The following SV2C variants were observed in gnomAD, a reference collection of about 807,000 sequenced individuals.
SV2C encodes the protein solute carrier family 22 member B3.
Under a neutral mutation model 79.7 loss-of-function variants are expected in SV2C, and 49 were observed. The observed-to-expected ratio is 0.61, with a 90% CI of 0.49 to 0.78. The LOEUF (loss-of-function observed/expected upper bound fraction) is 0.78. Ranked by LOEUF, SV2C falls within the 30% of genes least tolerant of loss-of-function variation. SV2C has a pLI of 0.00. For missense variants in SV2C, 833 were observed against 912.9 expected (o/e 0.91, Z 1.13); for synonymous variants, 334 against 333.2 (o/e 1.00, Z -0.03).
chr5:76,031,162 T>G, the SV2C span, among the ~76,000 whole-genome samples: 1 of 152,150 alleles, frequency 6.6e-6, no homozygotes, highest in South Asian at 2.1e-4. Flanking sequence ...AGGGATTGCA[T>G]CAGACTCTCC....
At chr5:75,854,905 G>A in the SV2C span, among the ~76,000 whole-genome samples, 215 of 152,232 alleles carry the variant, frequency 1.4e-3, 1 homozygote, top group African/African-American at 4.2e-3. Context: ...AGTAAGGATT[G>A]AGGTTCTTCT....
intron 2 of SV2C, among the ~76,000 whole-genome samples, chr5:76,163,419 A>G (rs1252347387): frequency 6.6e-6 from 1 of 152,240 alleles, no homozygotes; most frequent in African/African-American, 2.4e-5. Flanking sequence ...CTCTCTTCTA[A>G]TCAATATTTA....
intron 12 of SV2C, among the ~76,000 whole-genome samples, chr5:76,339,265 A>G (rs1431260487): frequency 6.6e-6 from 1 of 152,134 alleles, no homozygotes; most frequent in Non-Finnish European, 1.5e-5. Context: ...TGCCTGACAC[A>G]TTTCTATAAA....
chr5:75,849,886 T>C, the SV2C span, among the ~76,000 whole-genome samples: 1 of 152,166 alleles, frequency 6.6e-6, no homozygotes, highest in Non-Finnish European at 1.5e-5. Flanking sequence ...ATGCCTTTCC[T>C]CTTTTCTTCC....
At position 76,326,930 on chromosome 5, in the gene SV2C, T is replaced by A. The variant is rs1312490510; in HGVS notation, c.*1383T>A. On this transcript the variant is annotated 3_prime_UTR_variant, in exon 13 of 13. Coordinates refer to ENST00000502798, the MANE Select transcript of SV2C (RefSeq NM_014979.4). ...TCTTCTTTGAAATCTGAACCTTCCT[T>A]GTAGACTTGCAGCCAATGACCAGAA... The A allele has an allele frequency of 6.6e-6, 1 of 152,240 alleles. No homozygotes were observed. Among genetic ancestry groups the A allele is most frequent in the Admixed American group, 6.5e-5 (1 of 15,278 alleles). 9.4% of individuals were successfully genotyped at this position (152,240 alleles called of 1,614,324 possible).
chr5:76,207,165 CAAA>C (rs34587990), intron 3 of SV2C, among the ~76,000 whole-genome samples: 1 of 143,364 alleles, frequency 7.0e-6, no homozygotes, highest in African/African-American at 2.6e-5. Flanking sequence ...AGCCACACTG[CAAA>C]AAAAAAAAAG....
At chr5:76,309,761 GA>G (rs1292271193) in intron 12 of SV2C, among the ~76,000 whole-genome samples, 2 of 124,238 alleles carry the variant, frequency 1.6e-5, no homozygotes, top group Admixed American at 1.8e-4. Flanking sequence ...GGTTGTCAAA[GA>G]AAGATGATTC....
intron 12 of SV2C, among the ~76,000 whole-genome samples, chr5:76,347,693 C>G (rs143917929): frequency 6.6e-6 from 1 of 152,184 alleles, no homozygotes; most frequent in African/African-American, 2.4e-5. Flanking sequence ...CTGCCTGCCT[C>G]GGCCTCCCAA....
intron 4 of SV2C, among the ~76,000 whole-genome samples, chr5:76,244,871 G>T (rs1396192170): frequency 6.6e-6 from 1 of 152,196 alleles, no homozygotes; most frequent in Non-Finnish European, 1.5e-5. Flanking sequence ...GGCAGTCCAG[G>T]TCTAACAGAA....
the SV2C span, among the ~76,000 whole-genome samples, chr5:76,029,750 C>T: frequency 6.6e-6 from 1 of 152,164 alleles, no homozygotes; most frequent in Non-Finnish European, 1.5e-5. Flanking sequence ...CAAGAATTTG[C>T]TTTAAAAACA....
intron 1 of SV2C, among the ~76,000 whole-genome samples, chr5:76,121,866 C>A (rs1417078801): frequency 2.6e-5 from 4 of 151,714 alleles, no homozygotes; most frequent in Admixed American, 2.6e-4. Context: ...TTTTTTGGTT[C>A]CATATGAACT....
rs1747595718 is a variant in SV2C, at chr5:76,097,200, A to G, written c.-102+13688A>G. Among the ~76,000 whole-genome samples the G allele has an allele frequency of 2.0e-5, 3 of 152,186 alleles. No homozygotes were observed. The South Asian group carries it at 6.2e-4, about 32-fold the overall frequency. The stretch of plus-strand genomic sequence containing the variant: ...TGTCCCAGCAGATATCTATTTAGGT[A>G]AAAAAATCTGTTTCTAATAATTTAA... On this transcript the variant is annotated intron_variant, in intron 1 of 12. Coordinates refer to ENST00000502798, the MANE Select transcript of SV2C (RefSeq NM_014979.4).
chr5:76,011,711 A>G, the SV2C span, among the ~76,000 whole-genome samples: 2 of 152,014 alleles, frequency 1.3e-5, no homozygotes, highest in Non-Finnish European at 2.9e-5. Flanking sequence ...TGCTACACCT[A>G]TAACCCGTCA....
chr5:76,241,901 A>G (rs988262663), intron 4 of SV2C: 2 of 652,202 alleles, frequency 3.1e-6, no homozygotes, highest in Admixed American at 5.0e-5. Context: ...TGCTAACAAC[A>G]TAGCTTTAAA....
chr5:76,245,932 GTGTA>G (rs1554042684), intron 4 of SV2C, among the ~76,000 whole-genome samples: 105 of 139,690 alleles, frequency 7.5e-4, no homozygotes, highest in Admixed American at 1.9e-3. Context: ...GTGTGTGTGT[GTGTA>G]TGTGTGTGTG....
At chr5:76,347,272 T>TG (rs1749562376) in intron 12 of SV2C, among the ~76,000 whole-genome samples, 1 of 152,100 alleles carries the variant, frequency 6.6e-6, no homozygotes, top group Admixed American at 6.6e-5. Context: ...TAACTTTGGG[T>TG]GAAGCAGCTC....
the SV2C span, among the ~76,000 whole-genome samples, chr5:75,916,560 C>T: frequency 4.6e-5 from 7 of 152,072 alleles, no homozygotes; most frequent in Non-Finnish European, 1.0e-4. Context: ...CTGCAACCTC[C>T]GTCTCCCAGG....
chr5:76,152,401 C>G (rs893984945), intron 2 of SV2C, among the ~76,000 whole-genome samples: 2 of 152,054 alleles, frequency 1.3e-5, no homozygotes, highest in African/African-American at 2.4e-5. Context: ...TCTTTGTAGC[C>G]ATTTGGGTCA....
At chr5:76,148,164 G>T (rs1358269863) in intron 2 of SV2C, among the ~76,000 whole-genome samples, 1 of 152,196 alleles carries the variant, frequency 6.6e-6, no homozygotes, top group East Asian at 1.9e-4. Flanking sequence ...GGTTCTGGAA[G>T]AGTGGGCTAA....
Sources: gnomAD v4.1 joint callset for allele counts (sites outside exome capture counted in the v4.1 genomes callset) on GRCh38, gnomAD v4.1.1 for gene constraint, MANE v1.5 for transcripts, NCBI Gene and HGNC (gene_info 2026-07-23, HGNC 2026-07-21) for gene names.